PCCA: variants seen among roughly 807,000 people sequenced by gnomAD.
The protein encoded by PCCA is propionyl-CoA carboxylase alpha chain, mitochondrial.
PCCA carries 74 observed loss-of-function variants against 101.3 expected under a neutral mutation model. That is an observed-to-expected ratio of 0.73 (90% CI 0.61 to 0.89). The LOEUF (loss-of-function observed/expected upper bound fraction) is 0.89. Ranked by LOEUF, PCCA falls within the 40% of genes least tolerant of loss-of-function variation. The pLI is 0.00. For synonymous variants in PCCA, 294 were observed against 313.6 expected (o/e 0.94, Z 0.66); for missense variants, 891 against 907.0 (o/e 0.98, Z 0.23).
At chr13:100,329,212 T>C (rs566189759) in intron 16 of PCCA, among the ~76,000 whole-genome samples, 77 of 152,264 alleles carry the variant, frequency 5.1e-4, no homozygotes, top group African/African-American at 1.7e-3. Context: ...TACTACTGGC[T>C]GTTTAATTTA....
intron 18 of PCCA, among the ~76,000 whole-genome samples, chr13:100,344,110 A>G (rs2071816425): frequency 6.6e-6 from 1 of 152,220 alleles, no homozygotes; most frequent in Non-Finnish European, 1.5e-5. Flanking sequence ...GATGTTATAC[A>G]AGTAAATTAT....
At chr13:100,121,908 G>A (rs77113636) in intron 4 of PCCA, among the ~76,000 whole-genome samples, 1,847 of 152,300 alleles carry the variant, frequency 0.012, 42 homozygotes, top group African/African-American at 0.034. Flanking sequence ...AGAGGTGAGA[G>A]GAGGCATCCT....
chr13:100,095,198 T>C (rs779746562), intron 1 of PCCA, among the ~76,000 whole-genome samples: 1 of 152,180 alleles, frequency 6.6e-6, no homozygotes, highest in Non-Finnish European at 1.5e-5. Flanking sequence ...TCTCATTCTT[T>C]TATAAAGACA....
chr13:100,474,570 C>T (rs1184679058), intron 21 of PCCA, among the ~76,000 whole-genome samples: 8 of 151,880 alleles, frequency 5.3e-5, no homozygotes, highest in African/African-American at 1.2e-4. Flanking sequence ...ACTGCAGCCT[C>T]GACCTCCTGG....
chr13:100,120,726 C>A (rs1478535027), intron 4 of PCCA, among the ~76,000 whole-genome samples: 1 of 152,062 alleles, frequency 6.6e-6, no homozygotes, highest in African/African-American at 2.4e-5. Context: ...CTTATTAAGT[C>A]ATGAATTTTT....
At position 100,301,542 on chromosome 13, in the gene PCCA, G is replaced by T; in HGVS notation, c.1148G>T (p.Arg383Met). 6.2e-7 allele frequency: 1 copy of T among 1,614,084 alleles called. No homozygotes were observed. ...MIRVAKGYPL[R>M]HKQADIRING... Reference sequence around the variant, plus strand: ...CGTGTTGCTAAGGGCTACCCTCTCAGGCACAAACAAGCTGATATTCGCATC... The same window carrying T: ...CGTGTTGCTAAGGGCTACCCTCTCATGCACAAACAAGCTGATATTCGCATC... Residue 383 changes from arginine to methionine, a missense_variant, in exon 13 of 24, where the codon AGG (arginine) becomes ATG (methionine). Coordinates refer to ENST00000376285, the MANE Select transcript of PCCA (RefSeq NM_000282.4).
chr13:100,183,767 C>T (rs142283446), intron 6 of PCCA, among the ~76,000 whole-genome samples: 18 of 152,082 alleles, frequency 1.2e-4, no homozygotes, highest in African/African-American at 4.3e-4. Context: ...AAGAGTAAGC[C>T]CGGAAGGCGA....
chr13:100,392,359 T>A (rs572542699), intron 19 of PCCA, among the ~76,000 whole-genome samples: 2 of 152,318 alleles, frequency 1.3e-5, no homozygotes, highest in East Asian at 3.9e-4. Flanking sequence ...TCATACACCT[T>A]AACAAACTAG....
chr13:100,132,919 A>G (rs1367542013), intron 4 of PCCA, among the ~76,000 whole-genome samples: 1 of 152,074 alleles, frequency 6.6e-6, no homozygotes, highest in Non-Finnish European at 1.5e-5. Context: ...AGCTGGCATT[A>G]CAGGCACCTG....
At chr13:100,209,152 A>C (rs1014834016) in intron 6 of PCCA, among the ~76,000 whole-genome samples, 180 bp from the exon 7 acceptor site, 1 of 152,202 alleles carries the variant, frequency 6.6e-6, no homozygotes, top group African/African-American at 2.4e-5. Context: ...TGTTGCATGC[A>C]TCTATCCACA....
At chr13:100,326,760 A>C (rs1264328050) in intron 16 of PCCA, among the ~76,000 whole-genome samples, 2 of 152,096 alleles carry the variant, frequency 1.3e-5, no homozygotes, top group African/African-American at 4.8e-5. Flanking sequence ...GATGAATAGT[A>C]AATGTATTTT....
chr13:100,327,123 G>T (rs2068780256), intron 16 of PCCA, among the ~76,000 whole-genome samples: 1 of 152,050 alleles, frequency 6.6e-6, no homozygotes, highest in Admixed American at 6.6e-5. Flanking sequence ...AATTTCATGA[G>T]TTTTGACATA....
chr13:100,143,384 A>G (rs1189034692), intron 4 of PCCA, among the ~76,000 whole-genome samples: 1 of 151,716 alleles, frequency 6.6e-6, no homozygotes, highest in African/African-American at 2.4e-5. Context: ...TACAAAAAAA[A>G]ATTAGCTAGC....
At chr13:100,245,427 T>A (rs1016162962) in intron 8 of PCCA, among the ~76,000 whole-genome samples, 1 of 152,208 alleles carries the variant, frequency 6.6e-6, no homozygotes, top group East Asian at 1.9e-4. Flanking sequence ...CTATACCACA[T>A]TTTTACAGCC....
intron 21 of PCCA, among the ~76,000 whole-genome samples, chr13:100,463,729 A>G (rs529604576): frequency 6.6e-6 from 1 of 152,346 alleles, no homozygotes; most frequent in African/African-American, 2.4e-5. Context: ...GGACAATGGC[A>G]AAGCAGAGGC....
intron 4 of PCCA, among the ~76,000 whole-genome samples, chr13:100,129,338 C>G (rs1459678523): frequency 6.6e-6 from 1 of 152,164 alleles, no homozygotes; most frequent in Non-Finnish European, 1.5e-5. Context: ...TGAACTGTTT[C>G]AGTTTCTGAA....
At chr13:100,182,623 C>CT (rs1235819219) in intron 6 of PCCA, among the ~76,000 whole-genome samples, 1 of 152,136 alleles carries the variant, frequency 6.6e-6, no homozygotes, top group Non-Finnish European at 1.5e-5. Flanking sequence ...AGTCTTCTCT[C>CT]TGAGTTTATG....
intron 7 of PCCA, among the ~76,000 whole-genome samples, chr13:100,218,341 G>GT (rs1490601851): frequency 4.0e-4 from 53 of 133,538 alleles, no homozygotes; most frequent in African/African-American, 1.5e-3. Flanking sequence ...CTGGCTATGG[G>GT]TTGTTTTTTT....
chr13:100,160,759 A>G (rs943128177), intron 6 of PCCA: 13 of 152,240 alleles, frequency 8.5e-5, no homozygotes, highest in Non-Finnish European at 1.6e-4. Context: ...AACAGAGTTT[A>G]CAAAGAGCTT....
Sources: allele counts gnomAD v4.1 joint callset (sites outside exome capture counted in the v4.1 genomes callset), GRCh38; gene constraint gnomAD v4.1.1; transcripts MANE v1.5; gene names NCBI Gene and HGNC (gene_info 2026-07-23, HGNC 2026-07-21).